Variants in PKHD1 observed in about 807,000 individuals in gnomAD.
PKHD1 encodes the protein PKHD1 ciliary IPT domain containing fibrocystin/polyductin, also known as fibrocystin.
PKHD1 carries 291 observed loss-of-function variants against 412.0 expected under a neutral mutation model. The ratio of observed to expected loss-of-function variants is 0.71; its 90% CI spans 0.64 to 0.78. The LOEUF (loss-of-function observed/expected upper bound fraction) is 0.78. PKHD1 is among the 30% of genes least tolerant of loss of function. PKHD1 has a pLI of 0.00. For synonymous variants in PKHD1, 1,777 were observed against 1,821.5 expected (o/e 0.98, Z 0.62); for missense variants, 4,825 against 4,950.7 (o/e 0.97, Z 0.76).
At chr6:51,673,857 G>C (rs1007669464) in intron 60 of PKHD1, among the ~76,000 whole-genome samples, 1 of 152,164 alleles carries the variant, frequency 6.6e-6, no homozygotes. Context: ...AGGTAAATGA[G>C]TGAAAAGAAG....
At chr6:52,068,668 ATTCT>A (rs1193312386) in intron 11 of PKHD1, among the ~76,000 whole-genome samples, 1 of 152,220 alleles carries the variant, frequency 6.6e-6, no homozygotes, top group Non-Finnish European at 1.5e-5. Flanking sequence ...AAGGTCTGAC[ATTCT>A]TTCTATAGCA....
chr6:51,782,181 AC>A (rs1223276142), intron 53 of PKHD1, among the ~76,000 whole-genome samples: 1 of 152,074 alleles, frequency 6.6e-6, no homozygotes, highest in Non-Finnish European at 1.5e-5. Context: ...AAAGATGATT[AC>A]TGCAAATGCC....
At chr6:51,842,335 C>T (rs756312921) in intron 50 of PKHD1, among the ~76,000 whole-genome samples, 8 of 152,062 alleles carry the variant, frequency 5.3e-5, no homozygotes, top group Non-Finnish European at 7.4e-5. Context: ...GGCTGCTGGT[C>T]GGGAGGGGGA....
intron 60 of PKHD1, among the ~76,000 whole-genome samples, chr6:51,693,876 A>G (rs943120403): frequency 1.3e-5 from 2 of 152,324 alleles, no homozygotes; most frequent in Admixed American, 1.3e-4. Flanking sequence ...CATTTTACAG[A>G]TGAGGGAAAT....
intron 60 of PKHD1, among the ~76,000 whole-genome samples, chr6:51,660,854 G>T (rs956206401): frequency 3.3e-5 from 5 of 152,034 alleles, no homozygotes; most frequent in African/African-American, 1.2e-4. Flanking sequence ...CCATTATGTA[G>T]GTATGATTGA....
chr6:51,934,252 A>G lies in PKHD1; in HGVS notation c.5979T>C (p.Gly1993=). The part of the protein sequence containing the change: ...LRAHAILVSD[G]GELRIGSEDK... ...CTTCGGATCCAATCCGGAGCTCTCC[A>G]CCATCAGAAACAAGGATGGCGTGTG... The change falls in exon 37 of 67, where the codon GGT becomes GGC. Residue 1993 remains glycine (G), a synonymous_variant. Transcript: ENST00000371117. 6.2e-7 allele frequency: 1 copy of G among 1,613,822 alleles called. No homozygotes were observed. The highest frequency in any genetic ancestry group is 8.5e-7 in the Non-Finnish European group (1 of 1,179,920).
chr6:51,927,978 A>T (rs1208222252), intron 37 of PKHD1, among the ~76,000 whole-genome samples: 3 of 152,170 alleles, frequency 2.0e-5, no homozygotes, highest in African/African-American at 7.2e-5. Context: ...CAGGCATCTT[A>T]GGAGGGAGAC....
At chr6:52,050,132 C>G (rs201862670) in intron 22 of PKHD1, 25 bp downstream of exon 22, 1 of 1,612,480 alleles carries the variant, frequency 6.2e-7, no homozygotes, top group African/African-American at 1.3e-5. Context: ...GGAGAAGGGA[C>G]AGGTGTAAAA....
chr6:51,874,697 G>T (rs1776560769), intron 46 of PKHD1, among the ~76,000 whole-genome samples: 1 of 152,100 alleles, frequency 6.6e-6, no homozygotes. Flanking sequence ...GGGAGGCCAA[G>T]GCGGGCGGAT....
chr6:52,050,134 G>A (rs1434931556), intron 22 of PKHD1, 23 bp downstream of exon 22: 2 of 1,612,692 alleles, frequency 1.2e-6, no homozygotes, highest in South Asian at 2.2e-5. Flanking sequence ...AGAAGGGACA[G>A]GTGTAAAAAA....
At chr6:51,746,935 A>G (rs200125913) in intron 58 of PKHD1, 46 bp from the exon 59 acceptor site, 9 of 1,121,978 alleles carry the variant, frequency 8.0e-6, no homozygotes, top group Non-Finnish European at 1.2e-5. Context: ...CATATAAACC[A>G]CCAGCCACAA....
At chr6:51,766,481 T>C (rs1789032720) in intron 55 of PKHD1, among the ~76,000 whole-genome samples, 1 of 152,116 alleles carries the variant, frequency 6.6e-6, no homozygotes, top group Non-Finnish European at 1.5e-5. Flanking sequence ...TTAAAAATGG[T>C]ATTCCATTAC....
chr6:51,869,827 TA>T (rs759935858), intron 47 of PKHD1, among the ~76,000 whole-genome samples: 1 of 152,118 alleles, frequency 6.6e-6, no homozygotes, highest in Non-Finnish European at 1.5e-5. Context: ...TTCATTTAAT[TA>T]AAAAAACAAA....
intron 43 of PKHD1, among the ~76,000 whole-genome samples, chr6:51,902,531 A>G (rs1781445776): frequency 6.6e-6 from 1 of 152,154 alleles, no homozygotes; most frequent in African/African-American, 2.4e-5. Flanking sequence ...AGAGATAACC[A>G]CTACTTTTAC....
chr6:52,025,999 C>G lies in PKHD1; in HGVS notation c.3811G>C (p.Val1271Leu). The part of the protein sequence containing the change: ...GAPTVPAAVE[V>L]WAGNRFFARG... ...GCGAAGAACCTGTTGCCAGCCCAGA[C>G]CTCCACGGCAGCTGGAACAGTGGGA... Residue 1271 changes from valine (V) to leucine (L), a missense_variant, in exon 32 of 67, where the codon GTC (valine) becomes CTC (leucine). Val to Leu is a conservative substitution (Grantham distance 32, BLOSUM62 1). Coordinates refer to ENST00000371117, the MANE Select transcript of PKHD1 (RefSeq NM_138694.4). 6.2e-7 allele frequency: 1 copy of G among 1,614,178 alleles called. No individual in the cohort carries two copies. Among genetic ancestry groups the G allele is most frequent in the Non-Finnish European group, 8.5e-7 (1 of 1,180,038 alleles).
chr6:52,058,320 G>A lies in PKHD1; in HGVS notation c.1512+3C>T. The A allele has an allele frequency of 1.2e-6, 2 of 1,613,986 alleles. No individual in the cohort carries two copies. The highest frequency in any genetic ancestry group is 1.7e-6 in the Non-Finnish European group (2 of 1,179,958). On this transcript the variant is annotated splice_donor_region_variant and intron_variant, in intron 16 of 66. Transcript: ENST00000371117. The stretch of plus-strand genomic sequence containing the variant: ...CTCCATGGGACTGGAAAGAGACACA[G>A]ACCTGTACTTCTGGAAGCCTCTGGG...
chr6:51,735,642 G>C (rs1200172137), intron 60 of PKHD1, among the ~76,000 whole-genome samples: 3 of 152,080 alleles, frequency 2.0e-5, no homozygotes, highest in Non-Finnish European at 4.4e-5. Context: ...AACACAGTTC[G>C]GGGCTGGGCA....
At chr6:51,892,080 T>C (rs1779208838) in intron 43 of PKHD1, among the ~76,000 whole-genome samples, 1 of 152,198 alleles carries the variant, frequency 6.6e-6, no homozygotes. Flanking sequence ...CTTCCTCATT[T>C]TTCATTCGGT....
chr6:51,729,982 C>T (rs972613024), intron 60 of PKHD1, among the ~76,000 whole-genome samples: 9 of 152,134 alleles, frequency 5.9e-5, no homozygotes, highest in African/African-American at 2.2e-4. Flanking sequence ...GAACTCTTAA[C>T]CTGTGCTTTG....
Sources: gnomAD v4.1 joint callset for allele counts (sites outside exome capture counted in the v4.1 genomes callset) on GRCh38, gnomAD v4.1.1 for gene constraint, MANE v1.5 for transcripts, NCBI Gene and HGNC (gene_info 2026-07-23, HGNC 2026-07-21) for gene names.